The following LDAF1 variants were observed in gnomAD, a reference collection of about 807,000 sequenced individuals.
LDAF1 encodes lipid droplet assembly factor 1.
LDAF1 carries 7 observed loss-of-function variants against 13.5 expected under a neutral mutation model. The observed-to-expected ratio is 0.52, with a 90% CI of 0.29 to 0.97. LDAF1 has a LOEUF of 0.97. LDAF1 is among the 50% of genes least tolerant of loss of function. The pLI is 0.07. For missense variants in LDAF1, 148 were observed against 193.2 expected (o/e 0.77, Z 1.39); for synonymous variants, 69 against 77.1 (o/e 0.89, Z 0.55).
intron 1 of LDAF1, among the ~76,000 whole-genome samples, chr16:21,160,162 T>G (rs559189045): frequency 1.5e-5 from 2 of 133,752 alleles, no homozygotes; most frequent in Non-Finnish European, 3.1e-5. Context: ...GGACACAATC[T>G]TTTAAGCATT....
chr16:21,167,016 C>T (rs1403931475), intron 2 of LDAF1: 2 of 1,063,750 alleles, frequency 1.9e-6, no homozygotes, highest in East Asian at 5.2e-5. Flanking sequence ...GGTCAGCGGG[C>T]ATTATGCCGT....
chr16:21,175,833 T>A (rs985511054), intron 4 of LDAF1, among the ~76,000 whole-genome samples: 7 of 152,198 alleles, frequency 4.6e-5, no homozygotes, highest in African/African-American at 1.7e-4. Flanking sequence ...TCTTATAGGA[T>A]TGCTTAATTG....
At chr16:21,165,556 C>T in intron 2 of LDAF1, 1 of 980,184 alleles carries the variant, frequency 1.0e-6, no homozygotes, top group Non-Finnish European at 1.2e-6. Context: ...TACCCATCTA[C>T]CCCTCCCCCT....
intron 1 of LDAF1, chr16:21,159,215 G>C: frequency 9.8e-7 from 1 of 1,017,656 alleles, no homozygotes; most frequent in Non-Finnish European, 1.6e-6. Flanking sequence ...AGATCTGCAA[G>C]TATCAAAGGG....
chr16:21,164,620 T>C (rs1406279136), intron 2 of LDAF1, among the ~76,000 whole-genome samples: 1 of 152,202 alleles, frequency 6.6e-6, no homozygotes, highest in Admixed American at 6.5e-5. Context: ...TCTGAGATGC[T>C]GTTTGAAGCT....
At position 21,169,915 on chromosome 16, in the gene LDAF1, CT is replaced by C. The variant is rs11439771; in HGVS notation, c.97-507del. Among the ~76,000 whole-genome samples, 270 of 140,856 alleles carry C rather than the reference CT, an allele frequency of 1.9e-3. 2 individuals carry two copies. Among genetic ancestry groups the C allele is most frequent in the Non-Finnish European group, 1.5e-3 (96 of 64,922 alleles). The allele number at this position is 140,856 out of a possible 152,430, so 92.4% of individuals were successfully genotyped here. ...CTTGGGAGAAGTCTTGTTGTAGTGA[CT>C]TTTTTTTTTTTTTTGAGACGGAGTT... On this transcript the variant is annotated intron_variant, in intron 2 of 4. Transcript: ENST00000233047.
rs2092968687 is a variant in LDAF1, at chr16:21,161,078, G to A, written c.-98-7G>A. Reference sequence around the variant, plus strand: ...CCACTAACGGCTTTTGTTTCCTCTGGTAACAGCAAGAGACAGAGCGACATG... The same window carrying A: ...CCACTAACGGCTTTTGTTTCCTCTGATAACAGCAAGAGACAGAGCGACATG... On this transcript the variant is annotated splice_region_variant and splice_polypyrimidine_tract_variant and intron_variant, in intron 1 of 4. Coordinates refer to ENST00000233047, the MANE Select transcript of LDAF1 (RefSeq NM_001301771.2). 2.0e-6 allele frequency: 3 copies of A among 1,514,910 alleles called. No individual in the cohort carries two copies. Among genetic ancestry groups the A allele is most frequent in the South Asian group, 1.3e-5 (1 of 75,102 alleles). The allele number at this position is 1,514,910 out of a possible 1,614,324, so 93.8% of individuals were successfully genotyped here.
chr16:21,173,041 A>G (rs1217907816), intron 3 of LDAF1, among the ~76,000 whole-genome samples: 1 of 152,162 alleles, frequency 6.6e-6, no homozygotes, highest in African/African-American at 2.4e-5. Context: ...TTATGAAAAA[A>G]TGTATTTTCC....
intron 1 of LDAF1, among the ~76,000 whole-genome samples, chr16:21,160,747 C>G (rs567418872): frequency 6.6e-6 from 1 of 152,226 alleles, no homozygotes; most frequent in African/African-American, 2.4e-5. Flanking sequence ...AACAGTCACA[C>G]TATCATTTTA....
chr16:21,160,142 T>C (rs954476667), intron 1 of LDAF1: 1 of 218,722 alleles, frequency 4.6e-6, no homozygotes. Context: ...TCAATTAATT[T>C]TGGCCACGTG....
intron 2 of LDAF1, among the ~76,000 whole-genome samples, chr16:21,169,787 T>C (rs577460403): frequency 5.3e-5 from 8 of 152,302 alleles, no homozygotes; most frequent in African/African-American, 1.7e-4. Context: ...AGGAGAGCCA[T>C]GACTGGGTCT....
chr16:21,170,684 T>G, intron 3 of LDAF1, 79 bp downstream of exon 3: 1 of 1,563,636 alleles, frequency 6.4e-7, no homozygotes, highest in Admixed American at 1.7e-5. Context: ...TTAAAAATTT[T>G]TTTAAGGGGC....
chr16:21,164,198 G>A (rs1052007999), intron 2 of LDAF1, among the ~76,000 whole-genome samples: 15 of 152,056 alleles, frequency 9.9e-5, no homozygotes, highest in Non-Finnish European at 1.6e-4. Context: ...CTGACCTTGG[G>A]CAAGTCACTT....
intron 2 of LDAF1, among the ~76,000 whole-genome samples, chr16:21,163,316 C>T (rs2092993924): frequency 6.6e-6 from 1 of 152,132 alleles, no homozygotes; most frequent in Non-Finnish European, 1.5e-5. Flanking sequence ...GGTGACTCCA[C>T]TTTTTGCTGT....
At chr16:21,170,701 T>G in intron 3 of LDAF1, 96 bp downstream of exon 3, 5 of 1,426,840 alleles carry the variant, frequency 3.5e-6, no homozygotes, top group Non-Finnish European at 4.8e-6. Flanking sequence ...GGGCGGGGTC[T>G]TGTTATGTTG....
chr16:21,168,099 C>G (rs2093043865), intron 2 of LDAF1, among the ~76,000 whole-genome samples: 1 of 152,196 alleles, frequency 6.6e-6, no homozygotes, highest in African/African-American at 2.4e-5. Flanking sequence ...ACTGCAACCT[C>G]CGCCTTCCAG....
At chr16:21,159,444 C>T (rs769547517) in intron 1 of LDAF1, 11 of 1,613,526 alleles carry the variant, frequency 6.8e-6, no homozygotes, top group Admixed American at 3.3e-5. Flanking sequence ...GCTCCCATCC[C>T]CCAACCAGAG....
intron 2 of LDAF1, among the ~76,000 whole-genome samples, chr16:21,167,696 GTTTT>G (rs778992036): frequency 1.1e-5 from 1 of 89,092 alleles, no homozygotes; most frequent in Non-Finnish European, 2.0e-5. Flanking sequence ...CCTTAGGTTT[GTTTT>G]TTTTTTTTTG....
chr16:21,159,998 G>A lies in LDAF1; in HGVS notation c.-98-1087G>A. On this transcript the variant is annotated intron_variant, in intron 1 of 4. Coordinates refer to ENST00000233047, the MANE Select transcript of LDAF1 (RefSeq NM_001301771.2). ...AACTTTCCCCTCCAAAGGGTTTCTTGTTTTACAAAAGGGAAGTAGCAGAGG... is the reference window on the plus strand; with the variant it reads ...AACTTTCCCCTCCAAAGGGTTTCTTATTTTACAAAAGGGAAGTAGCAGAGG... 4.1e-6 allele frequency: 4 copies of A among 983,978 alleles called. No homozygotes were observed. In the South Asian group the frequency reaches 1.4e-4, roughly 35 times the overall value. The allele number at this position is 983,978 out of a possible 1,614,324, so 61.0% of individuals were successfully genotyped here. A position where few individuals can be genotyped will look rare whatever the true frequency, so the allele number is the denominator to read the frequency against.
Sources: gnomAD v4.1 joint callset for allele counts (sites outside exome capture counted in the v4.1 genomes callset) on GRCh38, gnomAD v4.1.1 for gene constraint, MANE v1.5 for transcripts, NCBI Gene and HGNC (gene_info 2026-07-23, HGNC 2026-07-21) for gene names.